PAH: variants seen among roughly 807,000 people sequenced by gnomAD.
PAH encodes the protein phenylalanine-4-hydroxylase.
In PAH, 64 loss-of-function variants were observed where a neutral mutation model predicts 62.0. The observed-to-expected ratio is 1.03, with a 90% CI of 0.84 to 1.27. The LOEUF is 1.27. Among genes scored for constraint, PAH ranks in the 50% most tolerant of loss-of-function variants. The probability of loss-of-function intolerance (pLI) is 0.00; values close to 1 mark genes in which losing one functional copy is unlikely to be tolerated. For synonymous variants in PAH, 195 were observed against 196.2 expected (o/e 0.99, Z 0.05); for missense variants, 579 against 542.8 (o/e 1.07, Z -0.66).
At chr12:102,847,038 G>T in intron 8 of PAH, 87 bp from the exon 9 acceptor site, 2 of 1,087,650 alleles carry the variant, frequency 1.8e-6, no homozygotes, top group Non-Finnish European at 2.9e-6. Context: ...AAAGGTGATG[G>T]GTGGCCAGAT....
chr12:102,851,566 A>C, intron 8 of PAH, 121 bp downstream of exon 8: 1 of 797,818 alleles, frequency 1.3e-6, no homozygotes, highest in Non-Finnish European at 2.2e-6. Context: ...AGGTGGGATC[A>C]TAGAACTGTA....
At chr12:102,860,906 T>C (rs1193167479) in intron 5 of PAH, among the ~76,000 whole-genome samples, 1 of 152,204 alleles carries the variant, frequency 6.6e-6, no homozygotes, top group Non-Finnish European at 1.5e-5. Flanking sequence ...GGTAATACCA[T>C]TCAGGACATA....
At chr12:102,891,997 G>A (rs753062174) in intron 3 of PAH, among the ~76,000 whole-genome samples, 9 of 152,202 alleles carry the variant, frequency 5.9e-5, no homozygotes, top group Non-Finnish European at 8.8e-5. Context: ...AAAAGCAAGG[G>A]AGGGCAGTCA....
intron 4 of PAH, among the ~76,000 whole-genome samples, chr12:102,873,251 G>A (rs762712649): frequency 1.3e-5 from 2 of 152,128 alleles, no homozygotes; most frequent in African/African-American, 2.4e-5. Flanking sequence ...TAGTGGGCAC[G>A]TGACTGAGCT....
rs973300958 is a variant in PAH at position 102,851,773 on chromosome 12, A to T, written c.843-17T>A. 6.2e-7 allele frequency: 1 copy of T among 1,611,446 alleles called. No individual in the cohort carries two copies. Among genetic ancestry groups the T allele is most frequent in the African/African-American group, 1.3e-5 (1 of 74,880 alleles). ...CAGATGTCACTGAAAGACAGAAAGC[A>T]CAGAGAGCTCGGAGGGGAGGAGGTT... is the stretch of plus-strand genomic sequence containing the variant. On this transcript the variant is annotated splice_polypyrimidine_tract_variant and intron_variant, in intron 7 of 12. Transcript: ENST00000553106.
chr12:102,867,880 CATGTATATACATA>C (rs1325134544), intron 4 of PAH, among the ~76,000 whole-genome samples: 18 of 108,926 alleles, frequency 1.7e-4, no homozygotes, highest in South Asian at 7.3e-4. Flanking sequence ...TGTATATATA[CATGTATATACATA>C]TATAGATGTA....
At chr12:102,852,381 G>A (rs898841558) in intron 7 of PAH, 6 of 233,990 alleles carry the variant, frequency 2.6e-5, no homozygotes, top group South Asian at 6.6e-5. Flanking sequence ...AGGGGATAAC[G>A]AAACACCCAA....
chr12:102,889,534 G>GGACAGATA (rs75657447), intron 3 of PAH, among the ~76,000 whole-genome samples: 20,724 of 150,494 alleles, frequency 0.14, 2,202 homozygotes, highest in African/African-American at 0.26. Flanking sequence ...ATAGATAGAC[G>GGACAGATA]GATAGATAGA....
At chr12:102,852,269 CA>C (rs1875184122) in intron 7 of PAH, 1 of 196,742 alleles carries the variant, frequency 5.1e-6, no homozygotes, top group Admixed American at 5.3e-5. Context: ...CCATTTGGAA[CA>C]GGTCTTTTTG....
chr12:102,854,787 A>G (rs1875332826), intron 6 of PAH: 4 of 374,118 alleles, frequency 1.1e-5, no homozygotes, highest in African/African-American at 6.3e-5. Flanking sequence ...CTCCTAACTC[A>G]TAACACAGCA....
chr12:102,914,064 GC>G, intron 1 of PAH: 1 of 483,448 alleles, frequency 2.1e-6, no homozygotes. Flanking sequence ...AGAATAACAA[GC>G]CCTGCATGAA....
At chr12:102,894,260 G>C (rs987699164) in intron 3 of PAH, among the ~76,000 whole-genome samples, 6 of 151,714 alleles carry the variant, frequency 4.0e-5, no homozygotes, top group East Asian at 3.9e-4. Context: ...CTACTTATTG[G>C]GTATTATGCT....
intron 3 of PAH, among the ~76,000 whole-genome samples, chr12:102,887,010 G>T (rs1452376680): frequency 1.3e-5 from 2 of 152,132 alleles, no homozygotes; most frequent in Non-Finnish European, 2.9e-5. Flanking sequence ...AACAGTCAAG[G>T]TTTTTAAAAA....
chr12:102,937,491 G>A (rs537922495), intron 1 of PAH, among the ~76,000 whole-genome samples: 19 of 152,084 alleles, frequency 1.2e-4, no homozygotes, highest in South Asian at 4.2e-4. Context: ...AATTTAATCC[G>A]ATGACAACTT....
At chr12:102,953,939 T>C (rs1382038358), upstream of PAH, 1 of 152,264 alleles carries the variant, frequency 6.6e-6, no homozygotes, top group East Asian at 1.9e-4. Context: ...ACCCTTGACA[T>C]ACAGGCAAAG....
chr12:102,894,816 G>T lies in PAH; in HGVS notation c.271C>A (p.Leu91Met). The change falls in exon 3 of 13, where the codon CTG (leucine) becomes ATG (methionine). Residue 91 changes from leucine to methionine, a missense_variant. Coordinates refer to ENST00000553106, the MANE Select transcript of PAH (RefSeq NM_000277.3). ...CTCAAGATCTTGATGATGTTTGTCA[G>T]AGCAGGCAGGCTACGTTTATCCAAA... ...THLDKRSLPA[L>M]TNIIKILRHD... The T allele has an allele frequency of 6.2e-7, 1 of 1,614,044 alleles. No individual in the cohort carries two copies.
At position 102,917,212 on chromosome 12, in the gene PAH, G is replaced by A; in HGVS notation, c.-82C>T. The A allele has an allele frequency of 8.2e-7, 1 of 1,212,778 alleles. No individual in the cohort carries two copies. Among genetic ancestry groups the A allele is most frequent in the Non-Finnish European group, 1.2e-6 (1 of 817,852 alleles). The allele number at this position is 1,212,778 out of a possible 1,614,324, so 75.1% of individuals were successfully genotyped here. On this transcript the variant is annotated 5_prime_UTR_variant, in exon 1 of 13. Coordinates refer to ENST00000553106, the MANE Select transcript of PAH (RefSeq NM_000277.3). ...TTGCAAACAGCACGTGGGGCTGAAG[G>A]TTTTAACCTCGCACTAGGGAGGAGA...
intron 2 of PAH, among the ~76,000 whole-genome samples, chr12:102,905,825 TA>T (rs749063955): frequency 0.051 from 6,804 of 134,636 alleles, 266 homozygotes; most frequent in African/African-American, 0.12. Context: ...CAGTGGAATT[TA>T]AAAAAAAAAA....
intron 1 of PAH, among the ~76,000 whole-genome samples, chr12:102,928,821 G>T (rs1022118882): frequency 1.3e-5 from 2 of 152,156 alleles, no homozygotes; most frequent in South Asian, 2.1e-4. Context: ...CTAGACATGA[G>T]ATCCACCCAC....
Sources: allele counts gnomAD v4.1 joint callset (sites outside exome capture counted in the v4.1 genomes callset), GRCh38; gene constraint gnomAD v4.1.1; transcripts MANE v1.5; gene names NCBI Gene and HGNC (gene_info 2026-07-23, HGNC 2026-07-21).